The following CALN1 variants were observed in gnomAD, a reference collection of about 807,000 sequenced individuals.
CALN1 encodes calcium-binding protein 8.
CALN1 carries 17 observed loss-of-function variants against 30.6 expected under a neutral mutation model. That is an observed-to-expected ratio of 0.56 (90% CI 0.38 to 0.83). The LOEUF (loss-of-function observed/expected upper bound fraction) is 0.83. Ranked by LOEUF, CALN1 falls within the 40% of genes least tolerant of loss-of-function variation. The pLI, the probability that CALN1 is intolerant of heterozygous loss-of-function variation, is 0.00. For synonymous variants in CALN1, 156 were observed against 131.4 expected (o/e 1.19, Z -1.28); for missense variants, 291 against 354.9 (o/e 0.82, Z 1.45).
At chr7:72,421,476 C>A (rs1014174791) in intron 1 of CALN1, among the ~76,000 whole-genome samples, 6 of 149,166 alleles carry the variant, frequency 4.0e-5, no homozygotes, top group Non-Finnish European at 7.4e-5. Context: ...ATCTTCTTGG[C>A]TTTATCTTTT....
intron 5 of CALN1, among the ~76,000 whole-genome samples, chr7:72,007,346 G>C (rs1474877445): frequency 6.6e-6 from 1 of 152,188 alleles, no homozygotes; most frequent in Non-Finnish European, 1.5e-5. Flanking sequence ...AGGAGTTCAA[G>C]GCTAGCCTGG....
At chr7:72,074,822 T>C (rs1584888441) in intron 4 of CALN1, among the ~76,000 whole-genome samples, 2 of 152,324 alleles carry the variant, frequency 1.3e-5, no homozygotes, top group African/African-American at 4.8e-5. Flanking sequence ...TCATGAGATG[T>C]CTACCATGTG....
At chr7:72,320,307 G>T (rs1562882631) in intron 2 of CALN1, among the ~76,000 whole-genome samples, 1 of 152,158 alleles carries the variant, frequency 6.6e-6, no homozygotes, top group African/African-American at 2.4e-5. Flanking sequence ...TACCATTCAG[G>T]CAAGGGTAAG....
At chr7:71,967,043 A>G (rs747121219) in intron 5 of CALN1, among the ~76,000 whole-genome samples, 8 of 152,210 alleles carry the variant, frequency 5.3e-5, no homozygotes, top group Non-Finnish European at 8.8e-5. Context: ...TTTAGGAAAC[A>G]TATCTTTGAA....
chr7:71,834,217 C>CAAAAAAAAAAAAA (rs11313802), intron 5 of CALN1, among the ~76,000 whole-genome samples: 2 of 48,312 alleles, frequency 4.1e-5, no homozygotes, highest in African/African-American at 1.8e-4. Context: ...GACTCCATCT[C>CAAAAAAAAAAAAA]AAAAAAAAAA....
At chr7:72,165,518 G>A (rs1182036700) in intron 3 of CALN1, among the ~76,000 whole-genome samples, 3 of 152,048 alleles carry the variant, frequency 2.0e-5, no homozygotes, top group Middle Eastern at 3.4e-3. Context: ...AACCCAGGAC[G>A]CAGAGTATGC....
intron 3 of CALN1, among the ~76,000 whole-genome samples, chr7:72,254,675 T>G (rs1033960116): frequency 6.6e-6 from 1 of 152,188 alleles, no homozygotes; most frequent in Non-Finnish European, 1.5e-5. Context: ...GAATCTGTTA[T>G]GAGCTCTTAG....
chr7:71,967,834 C>G (rs1797605609), intron 5 of CALN1, among the ~76,000 whole-genome samples: 1 of 151,992 alleles, frequency 6.6e-6, no homozygotes, highest in Admixed American at 6.6e-5. Context: ...CCACTGTAGA[C>G]TTATTAAACA....
At chr7:71,903,804 A>G (rs984604693) in intron 5 of CALN1, among the ~76,000 whole-genome samples, 1 of 152,242 alleles carries the variant, frequency 6.6e-6, no homozygotes, top group Non-Finnish European at 1.5e-5. Context: ...TATGCATCTG[A>G]TAAGGGGTTA....
intron 4 of CALN1, among the ~76,000 whole-genome samples, chr7:72,040,667 C>T (rs577815892): frequency 2.0e-5 from 3 of 152,096 alleles, no homozygotes; most frequent in African/African-American, 4.8e-5. Flanking sequence ...TGCACACATG[C>T]GCAGAGAAAA....
At chr7:71,901,000 T>C (rs1051278110) in intron 5 of CALN1, among the ~76,000 whole-genome samples, 1 of 152,158 alleles carries the variant, frequency 6.6e-6, no homozygotes, top group Admixed American at 6.5e-5. Flanking sequence ...GTTTCCCCAA[T>C]GCCAGTCAGC....
intron 3 of CALN1, among the ~76,000 whole-genome samples, chr7:72,242,964 A>G (rs1250797168): frequency 6.6e-6 from 1 of 152,212 alleles, no homozygotes; most frequent in African/African-American, 2.4e-5. Context: ...TAAAGTTAGC[A>G]AAGACATTTG....
At chr7:72,232,113 T>C (rs1384828262) in intron 3 of CALN1, among the ~76,000 whole-genome samples, 1 of 152,064 alleles carries the variant, frequency 6.6e-6, no homozygotes, top group Non-Finnish European at 1.5e-5. Flanking sequence ...CTCATGGGAA[T>C]CACAGTGACA....
chr7:72,283,722 G>T (rs2129554365), intron 2 of CALN1, among the ~76,000 whole-genome samples: 1 of 152,312 alleles, frequency 6.6e-6, no homozygotes, highest in African/African-American at 2.4e-5. Flanking sequence ...ACCTGACAAA[G>T]GGCAAGCTTC....
chr7:72,197,898 T>C (rs1266432341), intron 3 of CALN1, among the ~76,000 whole-genome samples: 1 of 151,768 alleles, frequency 6.6e-6, no homozygotes, highest in Admixed American at 6.6e-5. Flanking sequence ...TAAAAATAAA[T>C]GTAAAAAAGA....
intron 5 of CALN1, among the ~76,000 whole-genome samples, chr7:71,886,288 C>T (rs1376337055): frequency 6.6e-6 from 1 of 152,236 alleles, no homozygotes; most frequent in East Asian, 1.9e-4. Context: ...GTCACAGCAG[C>T]CCAAGTTGGA....
At chr7:72,270,336 A>T (rs1345746401) in intron 3 of CALN1, among the ~76,000 whole-genome samples, 1 of 152,174 alleles carries the variant, frequency 6.6e-6, no homozygotes. Flanking sequence ...CTAAATAAAT[A>T]AATTCTAAAT....
the CALN1 span, among the ~76,000 whole-genome samples, chr7:72,475,941 C>CT: frequency 0.031 from 2,366 of 75,846 alleles, 106 homozygotes; most frequent in Middle Eastern, 0.053. Flanking sequence ...CTCTCTCTCT[C>CT]TTTTTTTTTT....
At chr7:72,190,837 T>G (rs1585127347) in intron 3 of CALN1, among the ~76,000 whole-genome samples, 1 of 107,684 alleles carries the variant, frequency 9.3e-6, no homozygotes. Flanking sequence ...TGTACATCGA[T>G]TTATTATTAT....
Sources: gnomAD v4.1 joint callset for allele counts (sites outside exome capture counted in the v4.1 genomes callset) on GRCh38, gnomAD v4.1.1 for gene constraint, MANE v1.5 for transcripts, NCBI Gene and HGNC (gene_info 2026-07-23, HGNC 2026-07-21) for gene names.